The following TMPRSS11B variants were observed in gnomAD, a reference collection of about 807,000 sequenced individuals.
TMPRSS11B encodes transmembrane serine protease 11B.
In TMPRSS11B, 53 loss-of-function variants were observed where a neutral mutation model predicts 44.7. That is an observed-to-expected ratio of 1.19 (90% CI 0.95 to 1.49). The LOEUF (loss-of-function observed/expected upper bound fraction) is 1.49. Among genes scored for constraint, TMPRSS11B ranks in the 40% most tolerant of loss-of-function variants. The pLI, the probability that TMPRSS11B is intolerant of heterozygous loss-of-function variation, is 0.00. For missense variants in TMPRSS11B, 526 were observed against 494.8 expected, an observed-to-expected ratio of 1.06 and a Z score of -0.60; for synonymous variants, 140 against 159.2, an observed-to-expected ratio of 0.88 and a Z score of 0.91.
rs13125514 is a variant in TMPRSS11B, at chr4:68,227,661, C to T, written c.*250G>A. Reference sequence around the variant, plus strand: ...GGCTCAAGCAATCCGCCTATCTCGGCCTCTCAAAGTGCTAGGATTACAGGC... The same window carrying T: ...GGCTCAAGCAATCCGCCTATCTCGGTCTCTCAAAGTGCTAGGATTACAGGC... On this transcript the variant is annotated 3_prime_UTR_variant, in exon 10 of 10. Coordinates refer to ENST00000332644, the MANE Select transcript of TMPRSS11B (RefSeq NM_182502.3). 0.71 allele frequency: 119,068 copies of T among 167,470 alleles called. 43,984 individuals carry two copies. Among genetic ancestry groups the T allele is most frequent in the East Asian group, 0.99 (6,307 of 6,356 alleles). The allele number at this position is 167,470 out of a possible 1,614,324, so 10.4% of individuals were successfully genotyped here.
At chr4:68,240,539 G>C (rs1376169109) in intron 2 of TMPRSS11B, among the ~76,000 whole-genome samples, 1 of 152,088 alleles carries the variant, frequency 6.6e-6, no homozygotes, top group Non-Finnish European at 1.5e-5. Context: ...CCAGGAAAGG[G>C]GACCTGTTAA....
At chr4:68,239,990 G>A (rs1341940346) in intron 2 of TMPRSS11B, among the ~76,000 whole-genome samples, 2 of 152,184 alleles carry the variant, frequency 1.3e-5, no homozygotes, top group African/African-American at 4.8e-5. Context: ...GGTTGAGAAA[G>A]AGATGAACCA....
At chr4:68,228,190 G>T in intron 9 of TMPRSS11B, 118 bp from the exon 10 acceptor site, 1 of 945,690 alleles carries the variant, frequency 1.1e-6, no homozygotes, top group Non-Finnish European at 1.5e-6. Flanking sequence ...TTTGGGCTTA[G>T]AACTCTGAAA....
Position 68,236,015 on chromosome 4 carries a change from C to A in TMPRSS11B, c.295G>T (p.Val99Phe). 6.3e-7 allele frequency: 1 copy of A among 1,577,016 alleles called. No individual in the cohort carries two copies. The highest frequency in any genetic ancestry group is 8.6e-7 in the Non-Finnish European group (1 of 1,163,934). Residue 99 changes from valine (V) to phenylalanine (F), a missense_variant, in exon 4 of 10, where the codon GTC (valine) becomes TTC (phenylalanine). Val to Phe is a conservative substitution (Grantham distance 50, BLOSUM62 -1). Transcript: ENST00000332644. ...ACTTGTACTTACAGAAGTTTGATGA[C>A]CTCAGATTTGACATATTCCTTATAT... ...SIYKEYVKSE[V>F]IKLLPNANGS... is the part of the protein sequence containing the mutation.
intron 5 of TMPRSS11B, among the ~76,000 whole-genome samples, chr4:68,233,995 C>A (rs191655676): frequency 2.6e-5 from 4 of 152,022 alleles, no homozygotes; most frequent in Non-Finnish European, 5.9e-5. Context: ...CATGGTAAAA[C>A]CCTGTCTCTA....
At chr4:68,232,276 A>G in intron 6 of TMPRSS11B, 102 bp downstream of exon 6, 1 of 1,143,568 alleles carries the variant, frequency 8.7e-7, no homozygotes, top group Non-Finnish European at 1.3e-6. Flanking sequence ...AAAGCGTGTT[A>G]TGGGATTTCC....
intron 7 of TMPRSS11B, among the ~76,000 whole-genome samples, chr4:68,230,105 T>C (rs1719468305): frequency 6.6e-6 from 1 of 152,216 alleles, no homozygotes; most frequent in Non-Finnish European, 1.5e-5. Context: ...TTTATTCTTT[T>C]TTATGACTGG....
rs144132835 is a variant in TMPRSS11B, at chr4:68,228,006, T to G, written c.1156A>C (p.Ser386Arg). Residue 386 changes from serine to arginine, a missense_variant, in exon 10 of 10, where the codon AGC becomes CGC. Ser to Arg is a moderately radical substitution (Grantham distance 110, BLOSUM62 -1). Transcript: ENST00000332644. ...RNIWHLVGIV[S>R]WGDGCGKKNK... ...TTTTTACCACATCCATCACCCCAGC[T>G]TACTATTCCAACAAGATGCCAGATA... 3.1e-6 allele frequency: 5 copies of G among 1,613,808 alleles called. No homozygotes were observed. The African/African-American group carries it at 6.7e-5, about 22-fold the overall frequency.
intron 2 of TMPRSS11B, among the ~76,000 whole-genome samples, chr4:68,240,245 A>G (rs1165355702): frequency 1.3e-5 from 2 of 152,206 alleles, no homozygotes; most frequent in African/African-American, 4.8e-5. Context: ...AACAAATATT[A>G]TATTCGTTCC....
chr4:68,236,279 G>GA lies in TMPRSS11B; in HGVS notation c.125-14dup, dbSNP rs33998905. On this transcript the variant is annotated splice_polypyrimidine_tract_variant and intron_variant, in intron 2 of 9. Transcript: ENST00000332644. Reference sequence around the variant, plus strand: ...TAGTAAGTCTTCTCTGCAAAATTAAGAAAAAAAAACCTCAAAGAATTTTAA... The same window carrying GA: ...TAGTAAGTCTTCTCTGCAAAATTAAGAAAAAAAAAACCTCAAAGAATTTTAA... The GA allele has an allele frequency of 0.11, 159,079 of 1,481,052 alleles. 7,988 individuals carry two copies. Among genetic ancestry groups the GA allele is most frequent in the East Asian group, 0.29 (12,289 of 43,060 alleles). 91.7% of individuals were successfully genotyped at this position (1,481,052 alleles called of 1,614,324 possible). A position where few individuals can be genotyped will look rare whatever the true frequency, so the allele number is the denominator to read the frequency against.
At chr4:68,240,159 G>A (rs76509750) in intron 2 of TMPRSS11B, among the ~76,000 whole-genome samples, 2,841 of 152,242 alleles carry the variant, frequency 0.019, 86 homozygotes, top group African/African-American at 0.065. Context: ...TACAATAGCT[G>A]CCATCCAGCT....
chr4:68,239,163 A>G (rs1719751382), intron 2 of TMPRSS11B, among the ~76,000 whole-genome samples: 1 of 152,210 alleles, frequency 6.6e-6, no homozygotes, highest in Non-Finnish European at 1.5e-5. Flanking sequence ...TTAAGGGAGA[A>G]TTATGGTTAA....
At chr4:68,229,184 T>C in intron 8 of TMPRSS11B, 73 bp downstream of exon 8, 2 of 1,184,262 alleles carry the variant, frequency 1.7e-6, no homozygotes, top group East Asian at 2.6e-5. Context: ...GAGGGGATGA[T>C]TGATTGATTG....
chr4:68,236,298 A>G (rs529896765), intron 2 of TMPRSS11B, 32 bp from the exon 3 acceptor site: 1 of 1,406,668 alleles, frequency 7.1e-7, no homozygotes, highest in Non-Finnish European at 9.9e-7. Context: ...ACCTCAAAGA[A>G]TTTTAAAGTG....
At position 68,228,067 on chromosome 4, in the gene TMPRSS11B, A is replaced by G. The variant is rs770271544; in HGVS notation, c.1095T>C (p.Asp365=). ...MSGEADACQN[D]SGGPLAYPDS... ...CAGGGTAAGCTAGTGGTCCACCAGA[A>G]TCATTCTAGAAGAAGAAAAGAAAAA... Residue 365 remains aspartate, a synonymous_variant, in exon 10 of 10, where the codon GAT becomes GAC. Coordinates refer to ENST00000332644, the MANE Select transcript of TMPRSS11B (RefSeq NM_182502.3). 1.1e-5 allele frequency: 18 copies of G among 1,595,338 alleles called. 1 individual carries two copies. In the Admixed American group the frequency reaches 1.9e-4, roughly 16 times the overall value.
At chr4:68,242,856 T>G (rs1018836917) in intron 1 of TMPRSS11B, among the ~76,000 whole-genome samples, 11 of 152,168 alleles carry the variant, frequency 7.2e-5, no homozygotes, top group African/African-American at 2.2e-4. Flanking sequence ...CATGAGCCAC[T>G]GCACCTGGCC....
rs984922975 is a variant in TMPRSS11B at position 68,227,214 on chromosome 4, T to G, written c.*697A>C. 6.6e-6 allele frequency: 1 copy of G among 152,188 alleles called. No individual in the cohort carries two copies. Among genetic ancestry groups the G allele is most frequent in the Non-Finnish European group, 1.5e-5 (1 of 68,040 alleles). 9.4% of individuals were successfully genotyped at this position (152,188 alleles called of 1,614,324 possible). Reference sequence around the variant, plus strand: ...TATTCCAGTTAATAAAATGAAATTATAATTGATATAATAAAAAGTAACTCA... The same window carrying G: ...TATTCCAGTTAATAAAATGAAATTAGAATTGATATAATAAAAAGTAACTCA... On this transcript the variant is annotated 3_prime_UTR_variant, in exon 10 of 10. Coordinates refer to ENST00000332644, the MANE Select transcript of TMPRSS11B (RefSeq NM_182502.3).
rs1461152098 is a variant in TMPRSS11B at position 68,242,329 on chromosome 4, T to TA, written c.9-526_9-525insT. ...TATATATAATATTATATATATAATA[T>TA]TATATTATATATATATTATATATAA... On this transcript the variant is annotated intron_variant, in intron 1 of 9. Coordinates refer to ENST00000332644, the MANE Select transcript of TMPRSS11B (RefSeq NM_182502.3). Among the ~76,000 whole-genome samples the TA allele has an allele frequency of 1.4e-3, 13 of 9,064 alleles. 2 individuals carry two copies. Among genetic ancestry groups the TA allele is most frequent in the South Asian group, 8.2e-3 (1 of 122 alleles). The allele number at this position is 9,064 out of a possible 152,430, so 5.9% of individuals were successfully genotyped here. A position where few individuals can be genotyped will look rare whatever the true frequency, so the allele number is the denominator to read the frequency against.
At chr4:68,230,485 C>G (rs1370604054) in intron 7 of TMPRSS11B, among the ~76,000 whole-genome samples, 2 of 152,122 alleles carry the variant, frequency 1.3e-5, no homozygotes, top group Admixed American at 1.3e-4. Context: ...GTCAGACACA[C>G]TTGAATTCAC....
Sources: allele counts gnomAD v4.1 joint callset (sites outside exome capture counted in the v4.1 genomes callset), GRCh38; gene constraint gnomAD v4.1.1; transcripts MANE v1.5; gene names NCBI Gene and HGNC (gene_info 2026-07-23, HGNC 2026-07-21).